Variants in COL6A2 observed in about 807,000 individuals in gnomAD.
COL6A2 encodes the protein collagen alpha-2(VI) chain.
Under a neutral mutation model 124.9 loss-of-function variants are expected in COL6A2, and 90 were observed. That is an observed-to-expected ratio of 0.72 (90% confidence interval 0.61 to 0.86). The LOEUF is 0.86. Among genes scored for constraint, COL6A2 ranks in the 40% least tolerant of loss-of-function variants. The pLI, the probability that COL6A2 is intolerant of heterozygous loss-of-function variation, is 0.00. For missense variants in COL6A2, 1,607 were observed against 1,502.5 expected, an observed-to-expected ratio of 1.07 and a Z score of -1.15; for synonymous variants, 793 against 618.2, an observed-to-expected ratio of 1.28 and a Z score of -4.19.
At chr21:46,131,915 CCTCCCCTCCGCCCAG>C in intron 27 of COL6A2, 24 bp from the exon 28 acceptor site, 2 of 1,543,006 alleles carry the variant, frequency 1.3e-6, no homozygotes, top group African/African-American at 1.4e-5. Flanking sequence ...GTCCTGCCCA[CCTCCCCTCCGCCCAG>C]CCCGCACCTG....
intron 1 of COL6A2, among the ~76,000 whole-genome samples, chr21:46,103,414 A>G (rs2078307236): frequency 6.6e-6 from 1 of 151,904 alleles, no homozygotes; most frequent in African/African-American, 2.4e-5. Flanking sequence ...TCTGTTCTCC[A>G]TTTTGTTTAT....
intron 1 of COL6A2, among the ~76,000 whole-genome samples, chr21:46,101,435 A>C (rs555647252): frequency 2.0e-5 from 3 of 152,142 alleles, no homozygotes; most frequent in Non-Finnish European, 4.4e-5. Context: ...AATCTGATTT[A>C]TCTATTTTTT....
chr21:46,122,275 C>T (rs2078579102), intron 19 of COL6A2, 117 bp downstream of exon 19: 3 of 1,303,278 alleles, frequency 2.3e-6, no homozygotes, highest in Admixed American at 1.9e-5. Context: ...GTGTGAGGTC[C>T]CTCCTGCGGG....
chr21:46,125,872 G>A lies in COL6A2; in HGVS notation c.2057G>A (p.Ser686Asn). ...GACGAACGTATCGACTCCCTGTCGA[G>A]CTTCAAGGAGGCTGTCAAGAACCTC... Reference protein sequence around the residue: ...LDDERIDSLSSFKEAVKNLEW... With the variant: ...LDDERIDSLSNFKEAVKNLEW... The change falls in exon 26 of 28, where the codon AGC becomes AAC. Residue 686 changes from serine (S) to asparagine (N), a missense_variant. By Grantham distance (46) the Ser-to-Asn change is conservative. This residue lies in a region of COL6A2 where 1,223 missense variants were observed against 1,052.2 expected (regional missense o/e 1.16). Coordinates refer to ENST00000300527, the MANE Select transcript of COL6A2 (RefSeq NM_001849.4). The A allele has an allele frequency of 6.2e-7, 1 of 1,613,116 alleles. No homozygotes were observed. Among genetic ancestry groups the A allele is most frequent in the Non-Finnish European group, 8.5e-7 (1 of 1,179,996 alleles).
In COL6A2 at chr21:46,132,577, G is replaced by C. The variant is rs541910647; in HGVS notation, c.*25G>C. The C allele has an allele frequency of 3.8e-6, 6 of 1,564,048 alleles. No individual in the cohort carries two copies. Among genetic ancestry groups the C allele is most frequent in the Non-Finnish European group, 5.2e-6 (6 of 1,160,054 alleles). On this transcript the variant is annotated 3_prime_UTR_variant, in exon 28 of 28. Transcript: ENST00000300527. ...GCGCCGCCGCCCGGGCCCCGCAGTCGAGGGTCGTGAGCCCACCCCGTCCAT... is the reference window on the plus strand; with the variant it reads ...GCGCCGCCGCCCGGGCCCCGCAGTCCAGGGTCGTGAGCCCACCCCGTCCAT...
At chr21:46,107,707 A>G (rs2078349351) in intron 1 of COL6A2, among the ~76,000 whole-genome samples, 1 of 152,228 alleles carries the variant, frequency 6.6e-6, no homozygotes, top group Admixed American at 6.5e-5. Context: ...CTATGATCCC[A>G]GGTCTTTAGA....
At chr21:46,107,826 T>C (rs1297313555) in intron 1 of COL6A2, among the ~76,000 whole-genome samples, 1 of 152,168 alleles carries the variant, frequency 6.6e-6, no homozygotes, top group Non-Finnish European at 1.5e-5. Context: ...CCAATGTATT[T>C]CTTAAATGTA....
intron 27 of COL6A2, among the ~76,000 whole-genome samples, chr21:46,127,852 C>T (rs1190506248): frequency 3.9e-5 from 6 of 152,172 alleles, no homozygotes; most frequent in Non-Finnish European, 7.4e-5. Context: ...TCCTCTTTAG[C>T]CTATCATTGT....
In COL6A2 at chr21:46,111,874, C is replaced by T. The variant is rs542046758; in HGVS notation, c.116-105C>T. On this transcript the variant is annotated intron_variant, in intron 2 of 27. Transcript: ENST00000300527. ...GTTGGGGGCCGGGGGCTCTGGCATT[C>T]GGGGGCAGTGAGGTCAAACCCACAA... is the stretch of plus-strand genomic sequence containing the variant. 1.3e-5 allele frequency: 16 copies of T among 1,238,126 alleles called. No individual in the cohort carries two copies. In the East Asian group the frequency reaches 2.8e-4, roughly 22 times the overall value. The allele number at this position is 1,238,126 out of a possible 1,614,324, so 76.7% of individuals were successfully genotyped here.
chr21:46,113,784 A>G (rs2078435599), intron 4 of COL6A2: 1 of 614,338 alleles, frequency 1.6e-6, no homozygotes, highest in Admixed American at 2.5e-5. Flanking sequence ...ACTTGCCTAG[A>G]ACACCTGACC....
Position 46,119,047 on chromosome 21 carries a change from T to C in COL6A2, c.1197T>C (p.Ser399=), listed in dbSNP as rs749301621. 4 of 1,611,940 alleles carry C rather than the reference T, an allele frequency of 2.5e-6. No homozygotes were observed. The highest frequency in any genetic ancestry group is 3.4e-6 in the Non-Finnish European group (4 of 1,179,342). ...AKGSKGYQGN[S]GAPGSPGVKG... ...TTCTTCAGGGGTATCAAGGCAACAG[T>C]GGAGCCCCAGGAAGTCCTGGTGTGA... The change falls in exon 14 of 28, where the codon AGT becomes AGC. Residue 399 remains serine (S), a synonymous_variant. Transcript: ENST00000300527.
Position 46,111,441 on chromosome 21 carries a change from C to A in COL6A2, c.-27-9C>A. ...GGGGGTGTCTGAGCGACCCCCACCC[C>A]TGTTGCAGGACTTCAGGGCCACAGG... On this transcript the variant is annotated splice_polypyrimidine_tract_variant and intron_variant, in intron 1 of 27. Transcript: ENST00000300527. The A allele has an allele frequency of 1.9e-6, 3 of 1,549,632 alleles. No individual in the cohort carries two copies. Among genetic ancestry groups the A allele is most frequent in the South Asian group, 2.2e-5 (2 of 89,364 alleles).
rs749200228 is a variant in COL6A2, at chr21:46,112,106, G to A, written c.243G>A (p.Leu81=). ...TCGTGCCGCAGTTCATCAGCCAGCTGCAGAACGAGTTCTACCTGGACCAGG... is the reference window on the plus strand; with the variant it reads ...TCGTGCCGCAGTTCATCAGCCAGCTACAGAACGAGTTCTACCTGGACCAGG... The part of the protein sequence containing the change: ...KQFVPQFISQ[L]QNEFYLDQVA... The change falls in exon 3 of 28, where the codon CTG becomes CTA. Residue 81 remains leucine (L), a synonymous_variant. Transcript: ENST00000300527. 1 of 1,613,096 alleles carries A rather than the reference G, an allele frequency of 6.2e-7. No homozygotes were observed. The highest frequency in any genetic ancestry group is 1.3e-5 in the African/African-American group (1 of 74,934).
At chr21:46,124,327 G>A (rs1156702685) in intron 21 of COL6A2, among the ~76,000 whole-genome samples, 4 of 152,136 alleles carry the variant, frequency 2.6e-5, no homozygotes, top group East Asian at 1.9e-4. Flanking sequence ...ATGGGTGGGC[G>A]TGGAGTTGGT....
At position 46,116,892 on chromosome 21, in the gene COL6A2, C is replaced by G; in HGVS notation, c.999+78C>G. On this transcript the variant is annotated intron_variant, in intron 10 of 27. Coordinates refer to ENST00000300527, the MANE Select transcript of COL6A2 (RefSeq NM_001849.4). The surrounding 1 kb of genome is among the most constrained non-coding windows in gnomAD (Gnocchi z 4.6). ...CCTCTGCAGGGCCCCCAGATCCAGC[C>G]TGATCTGTCAGCTTACACATGTGTA... is the stretch of plus-strand genomic sequence containing the variant. 7.0e-7 allele frequency: 1 copy of G among 1,426,126 alleles called. No individual in the cohort carries two copies. Among genetic ancestry groups the G allele is most frequent in the Non-Finnish European group, 9.9e-7 (1 of 1,012,916 alleles). 88.3% of individuals were successfully genotyped at this position (1,426,126 alleles called of 1,614,324 possible).
chr21:46,132,337 G>T lies in COL6A2; in HGVS notation c.2845G>T (p.Asp949Tyr). Reference protein sequence around the residue: ...HAELSFVFLTDGVTGNDSLHE... With the variant: ...HAELSFVFLTYGVTGNDSLHE... ...AGAGCTGTCCTTCGTGTTCCTCACG[G>T]ACGGCGTCACGGGCAACGACAGTCT... Residue 949 changes from aspartate to tyrosine, a missense_variant, in exon 28 of 28, where the codon GAC (aspartate) becomes TAC (tyrosine). Physicochemically the swap from Asp to Tyr is radical, Grantham distance 160. Transcript: ENST00000300527. The T allele has an allele frequency of 6.2e-7, 1 of 1,607,948 alleles. No homozygotes were observed.
chr21:46,132,633 C>T lies in COL6A2; in HGVS notation c.*81C>T. 7.4e-7 allele frequency: 1 copy of T among 1,357,034 alleles called. No homozygotes were observed. The highest frequency in any genetic ancestry group is 2.5e-5 in the East Asian group (1 of 39,894). The allele number at this position is 1,357,034 out of a possible 1,614,324, so 84.1% of individuals were successfully genotyped here. A position where few individuals can be genotyped will look rare whatever the true frequency, so the allele number is the denominator to read the frequency against. ...TAAGCGGGCCCGGGTCCCACACGGC[C>T]AGCACCGCTGCTCACTCGGACGACG... On this transcript the variant is annotated 3_prime_UTR_variant, in exon 28 of 28. Coordinates refer to ENST00000300527, the MANE Select transcript of COL6A2 (RefSeq NM_001849.4).
chr21:46,109,234 G>T (rs1027601814), intron 1 of COL6A2, among the ~76,000 whole-genome samples: 4 of 152,110 alleles, frequency 2.6e-5, no homozygotes, highest in African/African-American at 9.7e-5. Context: ...TGGTCGTCCT[G>T]ACATCCCTTC....
chr21:46,129,298 T>C (rs751042896), intron 27 of COL6A2: 1 of 1,612,928 alleles, frequency 6.2e-7, no homozygotes, highest in Non-Finnish European at 8.5e-7. Context: ...CAACAGTTGC[T>C]AAACGCCACG....
Sources: allele counts gnomAD v4.1 joint callset (sites outside exome capture counted in the v4.1 genomes callset), GRCh38; gene constraint gnomAD v4.1.1; regional missense constraint gnomAD v4.1.1; non-coding constraint Gnocchi (gnomAD v3.1); transcripts MANE v1.5; gene names NCBI Gene and HGNC (gene_info 2026-07-23, HGNC 2026-07-21).